Variants in PCDHGB5 observed in about 807,000 individuals in gnomAD.
PCDHGB5 encodes the protein protocadherin gamma-B5.
Under a neutral mutation model 62.9 loss-of-function variants are expected in PCDHGB5, and 48 were observed. The observed-to-expected ratio is 0.76, with a 90% confidence interval of 0.61 to 0.97. PCDHGB5 has a LOEUF of 0.97. Among genes scored for constraint, PCDHGB5 ranks in the 50% least tolerant of loss-of-function variants. The pLI is 0.00. For missense variants in PCDHGB5, 1,118 were observed against 1,198.6 expected (o/e 0.93, Z 0.99); for synonymous variants, 474 against 511.2 (o/e 0.93, Z 0.98).
Position 141,491,095 on chromosome 5 carries a change from T to C in PCDHGB5, c.2398-3712T>C, listed in dbSNP as rs1366401829. On this transcript the variant is annotated intron_variant, in intron 1 of 3. Coordinates refer to ENST00000617380, the MANE Select transcript of PCDHGB5 (RefSeq NM_018925.3). The surrounding 1 kb of genome is among the most constrained non-coding windows in gnomAD (Gnocchi z 6.9). ...GCCACAGTCCACAGCCCCAGGACTG[T>C]TCCTCGTGTCTACACACACTGGTGA... The C allele has an allele frequency of 3.7e-6, 6 of 1,614,154 alleles. No homozygotes were observed. The highest frequency in any genetic ancestry group is 4.2e-6 in the Non-Finnish European group (5 of 1,180,014).
rs1012790217 is a variant in PCDHGB5 at position 141,432,087 on chromosome 5, C to T, written c.2397+31563C>T. On this transcript the variant is annotated intron_variant, in intron 1 of 3. Coordinates refer to ENST00000617380, the MANE Select transcript of PCDHGB5 (RefSeq NM_018925.3). This position sits in a 1 kb window ranked among gnomAD's most constrained non-coding sequence, Gnocchi z 6.0. ...GAAACTCATATCTCGCTGAACGTGG[C>T]AGACACCAACGACAACCCGCCGGTC... is the stretch of plus-strand genomic sequence containing the variant. The T allele has an allele frequency of 2.5e-6, 4 of 1,614,060 alleles. No homozygotes were observed. The African/African-American group carries it at 4.0e-5, about 16-fold the overall frequency.
rs1004176028 is a variant in PCDHGB5 at position 141,477,025 on chromosome 5, G to A, written c.2398-17782G>A. On this transcript the variant is annotated intron_variant, in intron 1 of 3. Transcript: ENST00000617380. This position sits in a 1 kb window ranked among gnomAD's most constrained non-coding sequence, Gnocchi z 4.9. ...TCGCCTTAGACCTTGTAACCGGGATGCTGACAATCAAGGGTCGGCTGGACT... is the reference window on the plus strand; with the variant it reads ...TCGCCTTAGACCTTGTAACCGGGATACTGACAATCAAGGGTCGGCTGGACT... 10 of 1,614,146 alleles carry A rather than the reference G, an allele frequency of 6.2e-6. No homozygotes were observed. Among genetic ancestry groups the A allele is most frequent in the East Asian group, 2.2e-5 (1 of 44,888 alleles).
chr5:141,411,765 T>A (rs796485295), intron 1 of PCDHGB5: 1 of 152,418 alleles, frequency 6.6e-6, no homozygotes, highest in South Asian at 2.1e-4. Context: ...GCCTGTGGTC[T>A]CAGCTACTCT....
chr5:141,417,980 C>A lies in PCDHGB5; in HGVS notation c.2397+17456C>A, dbSNP rs905203424. On this transcript the variant is annotated intron_variant, in intron 1 of 3. Transcript: ENST00000617380. ...GATCCGCTACTCGATTCCGGAGGAG[C>A]TGGCCAAGGGCTCGGTGGTGGGGAA... is the stretch of plus-strand genomic sequence containing the variant. 4.3e-6 allele frequency: 7 copies of A among 1,613,856 alleles called. No homozygotes were observed. The Admixed American group carries it at 1.0e-4, about 23-fold the overall frequency.
rs1023140435 is a variant in PCDHGB5, at chr5:141,415,749, T to G, written c.2397+15225T>G. The G allele has an allele frequency of 4.7e-4, 569 of 1,213,970 alleles. 1 individual carries two copies. Among genetic ancestry groups the G allele is most frequent in the Admixed American group, 3.5e-3 (90 of 25,886 alleles). The allele number at this position is 1,213,970 out of a possible 1,614,324, so 75.2% of individuals were successfully genotyped here. The stretch of plus-strand genomic sequence containing the variant: ...TTTGATGTTTATTAAGGTTTTTTTT[T>G]TTTTTTTTTTTTTTTTTTTTTTTAC... On this transcript the variant is annotated intron_variant, in intron 1 of 3. Transcript: ENST00000617380.
chr5:141,487,162 G>T lies in PCDHGB5; in HGVS notation c.2398-7645G>T, dbSNP rs2099640627. 6.2e-7 allele frequency: 1 copy of T among 1,613,496 alleles called. No individual in the cohort carries two copies. Among genetic ancestry groups the T allele is most frequent in the African/African-American group, 1.3e-5 (1 of 75,026 alleles). On this transcript the variant is annotated intron_variant, in intron 1 of 3. Transcript: ENST00000617380. This position sits in a 1 kb window ranked among gnomAD's most constrained non-coding sequence, Gnocchi z 5.0. ...TCTCTACCTCTGTTACTCTCTTAGTGTCCTTAGAGGAAGACACTCATCCAG... is the reference window on the plus strand; with the variant it reads ...TCTCTACCTCTGTTACTCTCTTAGTTTCCTTAGAGGAAGACACTCATCCAG...
chr5:141,439,416 G>T (rs1169961917), intron 1 of PCDHGB5, among the ~76,000 whole-genome samples: 3 of 152,156 alleles, frequency 2.0e-5, no homozygotes, highest in African/African-American at 7.2e-5. Flanking sequence ...CATCACTGAG[G>T]TTATAAATTC....
In PCDHGB5 at chr5:141,502,866, CT is replaced by C. The variant is rs549047197; in HGVS notation, c.2457-2513del. Among the ~76,000 whole-genome samples the C allele has an allele frequency of 2.5e-3, 324 of 127,930 alleles. 1 individual carries two copies. Among genetic ancestry groups the C allele is most frequent in the Non-Finnish European group, 3.0e-3 (189 of 62,366 alleles). 83.9% of individuals were successfully genotyped at this position (127,930 alleles called of 152,430 possible). On this transcript the variant is annotated intron_variant, in intron 2 of 3. Transcript: ENST00000617380. ...GAGCTGCCTAACCCTGACTCTCTGT[CT>C]TTTTTTTTTTTTTGACAGGGAGTCT...
rs72790062 is a variant in PCDHGB5, at chr5:141,476,031, C to A, written c.2398-18776C>A. On this transcript the variant is annotated intron_variant, in intron 1 of 3. Coordinates refer to ENST00000617380, the MANE Select transcript of PCDHGB5 (RefSeq NM_018925.3). The surrounding 1 kb of genome is among the most constrained non-coding windows in gnomAD (Gnocchi z 7.6). Reference sequence around the variant, plus strand: ...AAGCCATGTCGGACTCGGCGCCCAGCGCCCAAGCGCTAACCCGCTGAAAGT... The same window carrying A: ...AAGCCATGTCGGACTCGGCGCCCAGAGCCCAAGCGCTAACCCGCTGAAAGT... 6.9e-6 allele frequency: 10 copies of A among 1,457,214 alleles called. No homozygotes were observed. The highest frequency in any genetic ancestry group is 9.1e-6 in the Non-Finnish European group (10 of 1,094,860). 90.3% of individuals were successfully genotyped at this position (1,457,214 alleles called of 1,614,324 possible).
At chr5:141,462,540 T>G (rs2099042148) in intron 1 of PCDHGB5, among the ~76,000 whole-genome samples, 2 of 152,204 alleles carry the variant, frequency 1.3e-5, no homozygotes, top group Non-Finnish European at 2.9e-5. Flanking sequence ...TCAGTGATCT[T>G]TTCTTCTTCA....
At position 141,476,639 on chromosome 5, in the gene PCDHGB5, A is replaced by G; in HGVS notation, c.2398-18168A>G. 1.2e-6 allele frequency: 2 copies of G among 1,614,206 alleles called. No individual in the cohort carries two copies. Among genetic ancestry groups the G allele is most frequent in the Non-Finnish European group, 1.7e-6 (2 of 1,180,038 alleles). On this transcript the variant is annotated intron_variant, in intron 1 of 3. Transcript: ENST00000617380. The surrounding 1 kb of genome is among the most constrained non-coding windows in gnomAD (Gnocchi z 7.6). ...CAACTCTTTACAAACCTATGAGCTG[A>G]GCCGAAATGAATACTTTGCGCTTCG...
chr5:141,451,806 A>G (rs145650418), intron 1 of PCDHGB5, among the ~76,000 whole-genome samples: 6,855 of 150,824 alleles, frequency 0.045, 259 homozygotes, highest in African/African-American at 0.1. Context: ...GCTTGAACCC[A>G]GGAGGCGGAG....
intron 1 of PCDHGB5, chr5:141,414,717 C>T: frequency 6.2e-7 from 1 of 1,614,152 alleles, no homozygotes; most frequent in Non-Finnish European, 8.5e-7. Flanking sequence ...TCAACTCAGA[C>T]ACTGGCGTCC....
At chr5:141,457,550 A>G (rs1331411755) in intron 1 of PCDHGB5, among the ~76,000 whole-genome samples, 1 of 152,230 alleles carries the variant, frequency 6.6e-6, no homozygotes, top group Non-Finnish European at 1.5e-5. Flanking sequence ...CAAATGTATG[A>G]TAAGCTTTGG....
rs996556361 is a variant in PCDHGB5, at chr5:141,511,290, A to G, written c.*117A>G. 1.3e-6 allele frequency: 2 copies of G among 1,516,984 alleles called. No homozygotes were observed. The highest frequency in any genetic ancestry group is 1.8e-6 in the Non-Finnish European group (2 of 1,129,124). The allele number at this position is 1,516,984 out of a possible 1,614,324, so 94.0% of individuals were successfully genotyped here. ...AACCCCCAGAATACTGGTAGGGGCC[A>G]AGGCCATGCTCCCCTTGGGAAACAG... is the stretch of plus-strand genomic sequence containing the variant. On this transcript the variant is annotated 3_prime_UTR_variant, in exon 4 of 4. Coordinates refer to ENST00000617380, the MANE Select transcript of PCDHGB5 (RefSeq NM_018925.3).
chr5:141,490,890 G>C lies in PCDHGB5; in HGVS notation c.2398-3917G>C, dbSNP rs751713801. The C allele has an allele frequency of 9.9e-6, 16 of 1,613,306 alleles. No homozygotes were observed. The South Asian group carries it at 1.2e-4, about 12-fold the overall frequency. On this transcript the variant is annotated intron_variant, in intron 1 of 3. Transcript: ENST00000617380. This position sits in a 1 kb window ranked among gnomAD's most constrained non-coding sequence, Gnocchi z 5.4. ...CCCCATTGCATGCCAACACATCTCT[G>C]CATGTGTTTGTCCTAGACGAGAATG...
chr5:141,507,609 A>G (rs2099862010), intron 3 of PCDHGB5, among the ~76,000 whole-genome samples: 1 of 152,260 alleles, frequency 6.6e-6, no homozygotes, highest in Non-Finnish European at 1.5e-5. Context: ...ATAAACAGGT[A>G]TATTTAGCTG....
At chr5:141,446,295 G>A (rs146503397) in intron 1 of PCDHGB5, among the ~76,000 whole-genome samples, 1 of 152,196 alleles carries the variant, frequency 6.6e-6, no homozygotes, top group Non-Finnish European at 1.5e-5. Flanking sequence ...TGGGGAGCAG[G>A]GATTAAGAGT....
chr5:141,468,229 G>A (rs1363462610), intron 1 of PCDHGB5, among the ~76,000 whole-genome samples: 4 of 150,884 alleles, frequency 2.7e-5, no homozygotes, highest in Non-Finnish European at 5.9e-5. Flanking sequence ...GGAGGATGAG[G>A]TAGGAGAATT....
Sources: allele counts gnomAD v4.1 joint callset (sites outside exome capture counted in the v4.1 genomes callset), GRCh38; gene constraint gnomAD v4.1.1; non-coding constraint Gnocchi (gnomAD v3.1); transcripts MANE v1.5; gene names NCBI Gene and HGNC (gene_info 2026-07-23, HGNC 2026-07-21).